The following HPSE2 variants were observed in gnomAD, a reference collection of about 807,000 sequenced individuals.
HPSE2 encodes inactive heparanase-2.
HPSE2 carries 38 observed loss-of-function variants against 60.5 expected under a neutral mutation model. The observed-to-expected ratio is 0.63, with a 90% CI of 0.48 to 0.82. The LOEUF (loss-of-function observed/expected upper bound fraction) is 0.82, where lower values mean the gene tolerates loss of function less well. Ranked by LOEUF, HPSE2 falls within the 40% of genes least tolerant of loss-of-function variation. The pLI is 0.00. For missense variants in HPSE2, 713 were observed against 740.4 expected (o/e 0.96, Z 0.43); for synonymous variants, 295 against 293.2 (o/e 1.01, Z -0.06).
chr10:98,809,555 A>C (rs1263345069), intron 3 of HPSE2, among the ~76,000 whole-genome samples: 1 of 152,100 alleles, frequency 6.6e-6, no homozygotes, highest in East Asian at 1.9e-4. Context: ...TCCACAGATA[A>C]AAATCTGGTT....
chr10:98,990,909 A>G (rs1015270994), intron 3 of HPSE2, among the ~76,000 whole-genome samples: 2 of 152,196 alleles, frequency 1.3e-5, no homozygotes, highest in African/African-American at 4.8e-5. Context: ...AACTTTTCCC[A>G]GTATATTCTA....
chr10:98,561,389 TAA>T (rs895559517), intron 9 of HPSE2, among the ~76,000 whole-genome samples: 4 of 151,900 alleles, frequency 2.6e-5, no homozygotes, highest in Non-Finnish European at 5.9e-5. Flanking sequence ...GTAAAAAAAT[TAA>T]AAAGTAAAAA....
chr10:98,611,100 C>T (rs544386381), intron 9 of HPSE2, among the ~76,000 whole-genome samples: 2 of 151,946 alleles, frequency 1.3e-5, no homozygotes, highest in Non-Finnish European at 2.9e-5. Flanking sequence ...TTGGGGGGGG[C>T]CAGGGGAAGG....
At chr10:98,677,515 C>G (rs141559568) in intron 6 of HPSE2, among the ~76,000 whole-genome samples, 1 of 152,140 alleles carries the variant, frequency 6.6e-6, no homozygotes, top group African/African-American at 2.4e-5. Context: ...ATTGTATGTA[C>G]TGAGCCAAAC....
At chr10:98,743,248 G>A (rs1949546688) in intron 4 of HPSE2, among the ~76,000 whole-genome samples, 1 of 151,786 alleles carries the variant, frequency 6.6e-6, no homozygotes, top group Admixed American at 6.6e-5. Flanking sequence ...TGGTATTACA[G>A]GCCTGAGCCA....
chr10:99,182,295 T>C (rs531733434), intron 2 of HPSE2, among the ~76,000 whole-genome samples: 2 of 152,334 alleles, frequency 1.3e-5, no homozygotes, highest in East Asian at 3.9e-4. Context: ...ACTAATCACC[T>C]AGTTTATCCC....
At chr10:98,556,762 CCT>C (rs768731644) in intron 9 of HPSE2, among the ~76,000 whole-genome samples, 8 of 152,172 alleles carry the variant, frequency 5.3e-5, no homozygotes, top group Non-Finnish European at 1.2e-4. Context: ...TTCAATGCAA[CCT>C]CTGTCAGAAT....
intron 3 of HPSE2, among the ~76,000 whole-genome samples, chr10:98,937,374 C>A (rs1360065938): frequency 1.4e-5 from 2 of 144,624 alleles, no homozygotes; most frequent in Non-Finnish European, 3.0e-5. Context: ...ATTCGGGTCA[C>A]TCCCACCCTA....
intron 9 of HPSE2, among the ~76,000 whole-genome samples, chr10:98,562,748 ACT>A (rs1323659483): frequency 6.7e-6 from 1 of 149,784 alleles, no homozygotes; most frequent in African/African-American, 2.4e-5. Flanking sequence ...CTGCTGGTCT[ACT>A]CTTTTTATAC....
intron 3 of HPSE2, among the ~76,000 whole-genome samples, chr10:98,999,361 G>A (rs1243823553): frequency 6.6e-6 from 1 of 152,196 alleles, no homozygotes; most frequent in Non-Finnish European, 1.5e-5. Context: ...GGTGCCTGAA[G>A]AGCTTACGTG....
intron 3 of HPSE2, among the ~76,000 whole-genome samples, chr10:98,996,512 G>A (rs189255548): frequency 6.9e-4 from 105 of 152,180 alleles, no homozygotes; most frequent in African/African-American, 2.4e-3. Flanking sequence ...TGAGAAAAAC[G>A]AAAATCTATG....
chr10:98,971,557 T>C (rs747383595), intron 3 of HPSE2, among the ~76,000 whole-genome samples: 1 of 152,226 alleles, frequency 6.6e-6, no homozygotes, highest in Non-Finnish European at 1.5e-5. Context: ...GTAAATGTTA[T>C]TGTACTATAT....
chr10:99,065,245 C>T (rs1207654288), intron 3 of HPSE2, among the ~76,000 whole-genome samples: 2 of 152,070 alleles, frequency 1.3e-5, no homozygotes, highest in East Asian at 3.9e-4. Context: ...CTGTGTTAAG[C>T]TCAGAGGCAA....
At chr10:99,291,283 T>C in the HPSE2 span, among the ~76,000 whole-genome samples, 1 of 152,188 alleles carries the variant, frequency 6.6e-6, no homozygotes, top group Non-Finnish European at 1.5e-5. Flanking sequence ...CTCTGATTAG[T>C]GGCTAAAGAA....
chr10:98,490,002 G>A (rs1941583222), intron 10 of HPSE2, 49 bp downstream of exon 10: 1 of 1,609,812 alleles, frequency 6.2e-7, no homozygotes, highest in Non-Finnish European at 8.5e-7. Context: ...AAATGGTATG[G>A]GGTGGGAGCC....
chr10:98,679,382 C>G (rs957960965), intron 6 of HPSE2, among the ~76,000 whole-genome samples: 2 of 152,168 alleles, frequency 1.3e-5, no homozygotes, highest in Admixed American at 6.6e-5. Context: ...CATGAGTGCA[C>G]AGCGGCATTT....
intron 9 of HPSE2, among the ~76,000 whole-genome samples, chr10:98,492,786 A>G (rs1941701978): frequency 6.7e-6 from 1 of 149,350 alleles, no homozygotes; most frequent in African/African-American, 2.6e-5. Context: ...CCTAATGACC[A>G]ACATTTTTTC....
At chr10:98,983,964 C>T (rs903286370) in intron 3 of HPSE2, among the ~76,000 whole-genome samples, 2 of 152,206 alleles carry the variant, frequency 1.3e-5, no homozygotes, top group East Asian at 1.9e-4. Context: ...CCTCATTGCC[C>T]AGGCTTGAGT....
intron 3 of HPSE2, among the ~76,000 whole-genome samples, chr10:99,019,934 A>T (rs529532680): frequency 6.6e-6 from 1 of 151,340 alleles, no homozygotes; most frequent in South Asian, 2.1e-4. Context: ...CTGGTCTCAA[A>T]CTCCTGACCT....
Sources: gnomAD v4.1 joint callset for allele counts (sites outside exome capture counted in the v4.1 genomes callset) on GRCh38, gnomAD v4.1.1 for gene constraint, MANE v1.5 for transcripts, NCBI Gene and HGNC (gene_info 2026-07-23, HGNC 2026-07-21) for gene names.